The following RANBP2 variants were observed in gnomAD, a reference collection of about 807,000 sequenced individuals.
RANBP2 encodes the protein RAN binding protein 2, also known as E3 SUMO-protein ligase RanBP2.
In RANBP2, 57 loss-of-function variants were observed where a neutral mutation model predicts 303.6. The ratio of observed to expected loss-of-function variants is 0.19; its 90% CI spans 0.15 to 0.23. The LOEUF is 0.23. Among genes scored for constraint, RANBP2 ranks in the 10% least tolerant of loss-of-function variants. The probability of loss-of-function intolerance (pLI) is 1.00; values close to 1 mark genes in which losing one functional copy is unlikely to be tolerated. For missense variants in RANBP2, 3,138 were observed against 3,780.8 expected, an observed-to-expected ratio of 0.83 and a Z score of 4.46; for synonymous variants, 1,167 against 1,301.5, an observed-to-expected ratio of 0.90 and a Z score of 2.23.
At chr2:108,936,331 C>T in the RANBP2 span, among the ~76,000 whole-genome samples, 2 of 152,244 alleles carry the variant, frequency 1.3e-5, no homozygotes, top group African/African-American at 4.8e-5. Context: ...CCCAGCAGGG[C>T]TTGCCACGCC....
chr2:109,191,311 C>G, the RANBP2 span, among the ~76,000 whole-genome samples: 1 of 152,190 alleles, frequency 6.6e-6, no homozygotes, highest in Non-Finnish European at 1.5e-5. Flanking sequence ...GTGCAATGCC[C>G]TGGAGAATCA....
At chr2:109,324,775 G>A in the RANBP2 span, among the ~76,000 whole-genome samples, 3 of 152,178 alleles carry the variant, frequency 2.0e-5, no homozygotes, top group Non-Finnish European at 4.4e-5. Flanking sequence ...TGAATGTCCA[G>A]ACGGGGATAG....
At chr2:109,606,997 G>A in the RANBP2 span, among the ~76,000 whole-genome samples, 42 of 152,124 alleles carry the variant, frequency 2.8e-4, no homozygotes, top group Admixed American at 2.8e-3. Flanking sequence ...GGCTTCTCAT[G>A]TTATTTTAAG....
chr2:109,328,557 C>T, the RANBP2 span, among the ~76,000 whole-genome samples: 1 of 152,222 alleles, frequency 6.6e-6, no homozygotes, highest in Non-Finnish European at 1.5e-5. Context: ...CTGTGAGCCT[C>T]TGATTTCGAC....
At chr2:109,029,247 C>T in the RANBP2 span, among the ~76,000 whole-genome samples, 8 of 152,174 alleles carry the variant, frequency 5.3e-5, no homozygotes, top group African/African-American at 1.7e-4. Context: ...TCTATGGAGT[C>T]CCTCCCCATC....
At chr2:109,593,135 A>G in the RANBP2 span, 1 of 1,561,744 alleles carries the variant, frequency 6.4e-7, no homozygotes, top group Non-Finnish European at 8.7e-7. Context: ...AAAGGAATAC[A>G]AAGGCTTAAA....
the RANBP2 span, among the ~76,000 whole-genome samples, chr2:109,195,738 T>C: frequency 6.6e-6 from 1 of 152,244 alleles, no homozygotes; most frequent in Non-Finnish European, 1.5e-5. Flanking sequence ...CCTGGACTTC[T>C]GATAAGGCGT....
the RANBP2 span, among the ~76,000 whole-genome samples, chr2:109,484,474 T>C: frequency 6.6e-6 from 1 of 152,152 alleles, no homozygotes; most frequent in South Asian, 2.1e-4. Flanking sequence ...CTCTGACCAC[T>C]CCCTTGGCCA....
the RANBP2 span, among the ~76,000 whole-genome samples, chr2:109,226,108 G>A: frequency 6.6e-6 from 1 of 152,202 alleles, no homozygotes. Context: ...TAAATCACTT[G>A]TTAATTTTAG....
chr2:109,023,946 A>G, the RANBP2 span, among the ~76,000 whole-genome samples: 1 of 150,572 alleles, frequency 6.6e-6, no homozygotes, highest in South Asian at 2.1e-4. Context: ...TTATTTTGAG[A>G]CGGAGTTTCA....
chr2:108,831,350 A>G, the RANBP2 span, among the ~76,000 whole-genome samples: 2 of 152,204 alleles, frequency 1.3e-5, no homozygotes, highest in Admixed American at 1.3e-4. Flanking sequence ...ATGAATGAGG[A>G]CCATTGTTAC....
At chr2:109,442,083 G>A in the RANBP2 span, among the ~76,000 whole-genome samples, 10,956 of 152,160 alleles carry the variant, frequency 0.072, 438 homozygotes, top group African/African-American at 0.11. Flanking sequence ...AGGCTGAGAC[G>A]GGTGGATCAC....
At chr2:109,180,094 A>G in the RANBP2 span, among the ~76,000 whole-genome samples, 124,426 of 151,914 alleles carry the variant, frequency 0.82, 51,096 homozygotes, top group East Asian at 0.89. Flanking sequence ...ATGGGCCTCC[A>G]TGGGGTTAGG....
At chr2:109,482,442 T>C in the RANBP2 span, among the ~76,000 whole-genome samples, 1 of 152,334 alleles carries the variant, frequency 6.6e-6, no homozygotes, top group East Asian at 1.9e-4. Context: ...CATCACGCAC[T>C]TCCCGCAGAA....
chr2:108,730,480 C>A (rs1478216035), intron 2 of RANBP2, among the ~76,000 whole-genome samples: 1 of 151,932 alleles, frequency 6.6e-6, no homozygotes, highest in Non-Finnish European at 1.5e-5. Flanking sequence ...AAAATGTGAT[C>A]AGGAAGAAAA....
At chr2:108,887,928 G>T in the RANBP2 span, among the ~76,000 whole-genome samples, 2 of 152,130 alleles carry the variant, frequency 1.3e-5, no homozygotes. Flanking sequence ...GTAAACTGGG[G>T]CATCCTTGTC....
the RANBP2 span, among the ~76,000 whole-genome samples, chr2:109,395,131 T>C: frequency 2.6e-5 from 4 of 152,238 alleles, no homozygotes; most frequent in Admixed American, 2.6e-4. Flanking sequence ...CACAGATCTG[T>C]AGCAGTGCCT....
the RANBP2 span, among the ~76,000 whole-genome samples, chr2:109,658,549 C>T: frequency 6.6e-6 from 1 of 152,166 alleles, no homozygotes; most frequent in Non-Finnish European, 1.5e-5. Flanking sequence ...AAGGTTGACT[C>T]GTGGGAAAGG....
the RANBP2 span, among the ~76,000 whole-genome samples, chr2:108,796,206 G>C: frequency 6.6e-6 from 1 of 151,708 alleles, no homozygotes; most frequent in East Asian, 1.9e-4. Flanking sequence ...CTGCCACCGC[G>C]CCCGGCTAAT....
Sources: allele counts gnomAD v4.1 joint callset (sites outside exome capture counted in the v4.1 genomes callset), GRCh38; gene constraint gnomAD v4.1.1; transcripts MANE v1.5; gene names NCBI Gene and HGNC (gene_info 2026-07-23, HGNC 2026-07-21).